Variants in ALKBH3 observed in about 807,000 individuals in gnomAD.
ALKBH3 encodes alkB homolog 3, alpha-ketoglutarate dependent dioxygenase.
Under a neutral mutation model 43.9 loss-of-function variants are expected in ALKBH3, and 51 were observed. The observed-to-expected ratio is 1.16, with a 90% confidence interval of 0.93 to 1.47. The LOEUF is 1.47. ALKBH3 is among the 40% of genes most tolerant of loss of function. The probability of loss-of-function intolerance (pLI) is 0.00; values close to 1 mark genes in which losing one functional copy is unlikely to be tolerated. For missense variants in ALKBH3, 361 were observed against 351.9 expected, an observed-to-expected ratio of 1.03 and a Z score of -0.21; for synonymous variants, 102 against 115.2, an observed-to-expected ratio of 0.89 and a Z score of 0.73.
chr11:43,902,741 C>T (rs773564171), intron 8 of ALKBH3, among the ~76,000 whole-genome samples: 6 of 152,208 alleles, frequency 3.9e-5, no homozygotes, highest in Non-Finnish European at 7.3e-5. Flanking sequence ...GGATTACAGG[C>T]GTGTGCCAGG....
intron 7 of ALKBH3, among the ~76,000 whole-genome samples, chr11:43,899,872 GAAA>G (rs10636253): frequency 8.2e-5 from 10 of 121,910 alleles, no homozygotes; most frequent in South Asian, 2.6e-4. Flanking sequence ...GTGGTCTCAG[GAAA>G]AAAAAAAAAA....
chr11:43,883,173 C>A lies in ALKBH3; in HGVS notation c.168C>A (p.Phe56Leu). ...ATCTCTCTGACAGAGAGTTTGTGTT[C>A]AAAGAACCTCAGCAGGTAAATTCAT... is the stretch of plus-strand genomic sequence containing the variant. ...EHHLSDREFV[F>L]KEPQQVVRRA... The change falls in exon 3 of 10, where the codon TTC becomes TTA. Residue 56 changes from phenylalanine to leucine, a missense_variant. Phe to Leu is a conservative substitution (Grantham distance 22, BLOSUM62 0). Transcript: ENST00000302708. The A allele has an allele frequency of 6.2e-7, 1 of 1,613,282 alleles. No individual in the cohort carries two copies. The highest frequency in any genetic ancestry group is 1.1e-5 in the South Asian group (1 of 90,818).
chr11:43,882,811 A>G, intron 2 of ALKBH3, 80 bp downstream of exon 2: 1 of 1,393,442 alleles, frequency 7.2e-7, no homozygotes, highest in Non-Finnish European at 9.7e-7. Context: ...TTTGGTTTAT[A>G]ATGGACTTCC....
chr11:43,906,802 T>C (rs1224478985), intron 8 of ALKBH3, among the ~76,000 whole-genome samples: 2 of 152,208 alleles, frequency 1.3e-5, no homozygotes, highest in Non-Finnish European at 2.9e-5. Context: ...TTTTAAAAAT[T>C]GGGTTGTATT....
intron 5 of ALKBH3, among the ~76,000 whole-genome samples, chr11:43,888,333 G>T (rs61883993): frequency 6.9e-6 from 1 of 145,766 alleles, no homozygotes; most frequent in Admixed American, 6.8e-5. Flanking sequence ...GAACTCCTGG[G>T]CTCAAGTGAT....
chr11:43,898,279 C>A (rs1250036756), intron 7 of ALKBH3: 14 of 749,020 alleles, frequency 1.9e-5, no homozygotes, highest in Non-Finnish European at 2.9e-5. Flanking sequence ...TCTTCAGTTC[C>A]TATGTGCATG....
intron 8 of ALKBH3, among the ~76,000 whole-genome samples, chr11:43,904,513 T>C (rs1375681024): frequency 6.6e-6 from 1 of 152,246 alleles, no homozygotes; most frequent in Non-Finnish European, 1.5e-5. Flanking sequence ...CCCCAGAACC[T>C]GTAAAGTCCA....
rs760107280 is a variant in ALKBH3 at position 43,883,162 on chromosome 11, G to C, written c.157G>C (p.Glu53Gln). Residue 53 changes from glutamate to glutamine, a missense_variant, in exon 3 of 10, where the codon GAG (glutamate) becomes CAG (glutamine). Physicochemically the swap from Glu to Gln is conservative, Grantham distance 29 (BLOSUM62 2). Transcript: ENST00000302708. Reference sequence around the variant, plus strand: ...CAAAGAGCATCATCTCTCTGACAGAGAGTTTGTGTTCAAAGAACCTCAGCA... The same window carrying C: ...CAAAGAGCATCATCTCTCTGACAGACAGTTTGTGTTCAAAGAACCTCAGCA... ...KNKEHHLSDR[E>Q]FVFKEPQQVV... is the part of the protein sequence containing the mutation. 1.1e-5 allele frequency: 17 copies of C among 1,613,836 alleles called. No homozygotes were observed. The highest frequency in any genetic ancestry group is 7.7e-5 in the South Asian group (7 of 90,990).
chr11:43,901,482 C>T, intron 7 of ALKBH3, 34 bp from the exon 8 acceptor site: 1 of 1,607,858 alleles, frequency 6.2e-7, no homozygotes, highest in South Asian at 1.1e-5. Context: ...TGTAATGCGA[C>T]TGTCTTGCCC....
At chr11:43,895,955 A>G (rs1951815468) in intron 7 of ALKBH3, among the ~76,000 whole-genome samples, 1 of 152,214 alleles carries the variant, frequency 6.6e-6, no homozygotes, top group South Asian at 2.1e-4. Context: ...AATGAAATTA[A>G]AAGTGTACCT....
At chr11:43,906,519 A>G (rs893956389) in intron 8 of ALKBH3, among the ~76,000 whole-genome samples, 1 of 152,246 alleles carries the variant, frequency 6.6e-6, no homozygotes, top group Middle Eastern at 3.4e-3. Flanking sequence ...CTATTAATCC[A>G]TCTGGTGATT....
chr11:43,887,716 T>G (rs1436387317), intron 5 of ALKBH3, among the ~76,000 whole-genome samples: 1 of 152,238 alleles, frequency 6.6e-6, no homozygotes, highest in Non-Finnish European at 1.5e-5. Flanking sequence ...ATACTTCATG[T>G]ATATTACATA....
Position 43,882,626 on chromosome 11 carries a change from C to T in ALKBH3, c.-27C>T. On this transcript the variant is annotated 5_prime_UTR_variant, in exon 2 of 10. Transcript: ENST00000302708. ...AAACAGGAACAAAATCTTCTGAAAG[C>T]TCGGAGCAGAAGCCTTTTTGGTCAA... The T allele has an allele frequency of 1.2e-6, 2 of 1,601,228 alleles. No individual in the cohort carries two copies. The highest frequency in any genetic ancestry group is 2.3e-5 in the South Asian group (2 of 88,844).
At chr11:43,910,770 T>A (rs1951932208) in intron 8 of ALKBH3, among the ~76,000 whole-genome samples, 1 of 151,158 alleles carries the variant, frequency 6.6e-6, no homozygotes, top group South Asian at 2.1e-4. Context: ...AACCCATGCC[T>A]ACAGTACTAA....
intron 6 of ALKBH3, 73 bp from the exon 7 acceptor site, chr11:43,891,968 A>C (rs1164427496): frequency 8.5e-7 from 1 of 1,178,030 alleles, no homozygotes; most frequent in Non-Finnish European, 1.3e-6. Flanking sequence ...ATTGCAAGGC[A>C]CAAAGTTGGC....
At chr11:43,918,376 A>G (rs535432679) in intron 8 of ALKBH3, among the ~76,000 whole-genome samples, 1 of 152,348 alleles carries the variant, frequency 6.6e-6, no homozygotes, top group African/African-American at 2.4e-5. Context: ...TCCATCCTCA[A>G]AGATGTAAAC....
chr11:43,906,042 G>A (rs1951893858), intron 8 of ALKBH3, among the ~76,000 whole-genome samples: 1 of 152,182 alleles, frequency 6.6e-6, no homozygotes, highest in Admixed American at 6.5e-5. Flanking sequence ...TGGATAAACT[G>A]TATCCTTCAT....
At chr11:43,907,378 A>G (rs1427852985) in intron 8 of ALKBH3, among the ~76,000 whole-genome samples, 1 of 152,152 alleles carries the variant, frequency 6.6e-6, no homozygotes, top group African/African-American at 2.4e-5. Context: ...CCCACTGGGA[A>G]TAATTGATTT....
chr11:43,911,011 C>T (rs1333179852), intron 8 of ALKBH3, among the ~76,000 whole-genome samples: 1 of 152,204 alleles, frequency 6.6e-6, no homozygotes, highest in Non-Finnish European at 1.5e-5. Context: ...AACATAGTCC[C>T]TGCCCTTATG....
Sources: gnomAD v4.1 joint callset for allele counts (sites outside exome capture counted in the v4.1 genomes callset) on GRCh38, gnomAD v4.1.1 for gene constraint, MANE v1.5 for transcripts, NCBI Gene and HGNC (gene_info 2026-07-23, HGNC 2026-07-21) for gene names.